Variants in P3H4 observed in about 807,000 individuals in gnomAD.
P3H4 encodes endoplasmic reticulum protein SC65.
Under a neutral mutation model 52.9 loss-of-function variants are expected in P3H4, and 47 were observed. The ratio of observed to expected loss-of-function variants is 0.89; its 90% CI spans 0.70 to 1.13. The LOEUF (loss-of-function observed/expected upper bound fraction) is 1.13. Ranked by LOEUF, P3H4 falls within the 50% of genes most tolerant of loss-of-function variation. The pLI, the probability that P3H4 is intolerant of heterozygous loss-of-function variation, is 0.00. For synonymous variants in P3H4, 256 were observed against 267.9 expected (o/e 0.96, Z 0.44); for missense variants, 585 against 611.0 (o/e 0.96, Z 0.45).
rs555193052 is a variant in P3H4, at chr17:41,809,064, G to A, written c.916+642C>T. Among the ~76,000 whole-genome samples, 8 of 152,226 alleles carry A rather than the reference G, an allele frequency of 5.3e-5. No individual in the cohort carries two copies. In the East Asian group the frequency reaches 5.8e-4, roughly 11 times the overall value. On this transcript the variant is annotated intron_variant, in intron 4 of 7. Transcript: ENST00000393928. Reference sequence around the variant, plus strand: ...CCTCAGTTTCCCCATCTGAAAAATCGGTCCAGTAATGCCAGCTGCATGGTG... The same window carrying A: ...CCTCAGTTTCCCCATCTGAAAAATCAGTCCAGTAATGCCAGCTGCATGGTG...
intron 7 of P3H4, 30 bp from the exon 8 acceptor site, chr17:41,803,009 T>A: frequency 6.2e-7 from 1 of 1,607,740 alleles, no homozygotes. Context: ...GCACTGGGGT[T>A]GCTCCCCCAC....
chr17:41,807,902 C>CG lies in P3H4; in HGVS notation c.1018dup (p.Arg340ProfsTer42), dbSNP rs1261420845. On this transcript the variant is annotated frameshift_variant, in exon 5 of 8. Transcript: ENST00000393928. LOFTEE classifies it high-confidence loss of function. ...CTCCTCTTCCAGGCCCCAGCGAGCC[C>CG]GGTGGAACCGGTAATACACCAGGTT... is the stretch of plus-strand genomic sequence containing the variant. 6.2e-7 allele frequency: 1 copy of CG among 1,614,110 alleles called. No homozygotes were observed.
chr17:41,805,376 G>T (rs2047663950), intron 6 of P3H4, among the ~76,000 whole-genome samples: 1 of 151,708 alleles, frequency 6.6e-6, no homozygotes, highest in Non-Finnish European at 1.5e-5. Context: ...ACCCAGGCTG[G>T]AGTACAGTGG....
At chr17:41,805,353 G>C (rs1597894623) in intron 6 of P3H4, among the ~76,000 whole-genome samples, 2 of 151,378 alleles carry the variant, frequency 1.3e-5, no homozygotes, top group African/African-American at 4.9e-5. Flanking sequence ...TCGAGACAGA[G>C]TCTCAATCTG....
At chr17:41,807,734 G>A (rs376857136) in intron 5 of P3H4, 125 bp downstream of exon 5, 40 of 1,220,400 alleles carry the variant, frequency 3.3e-5, no homozygotes, top group East Asian at 1.7e-4. Flanking sequence ...TCCTGACCTC[G>A]TGATCCACCC....
Position 41,811,562 on chromosome 17 carries a change from G to T in P3H4, c.354C>A (p.Arg118=), listed in dbSNP as rs782771457. ...GGAAGGCGGGCAGCGTCCGCTTGCA[G>T]CGCCGCAGGCAGGCGGCTCGCTCCA... ...RVLERAACLR[R]CKRTLPAFQV... Residue 118 remains arginine (R), a synonymous_variant, in exon 1 of 8, where the codon CGC becomes CGA. Coordinates refer to ENST00000393928, the MANE Select transcript of P3H4 (RefSeq NM_006455.3). This position sits in a 1 kb window ranked among gnomAD's most constrained non-coding sequence, Gnocchi z 4.8. The T allele has an allele frequency of 3.7e-6, 6 of 1,607,044 alleles. No homozygotes were observed. Among genetic ancestry groups the T allele is most frequent in the Non-Finnish European group, 5.1e-6 (6 of 1,177,882 alleles).
In P3H4 at chr17:41,809,244, A is replaced by C. The variant is rs561137879; in HGVS notation, c.916+462T>G. Among the ~76,000 whole-genome samples, 39 of 152,264 alleles carry C rather than the reference A, an allele frequency of 2.6e-4. 1 individual carries two copies. The South Asian group carries it at 4.8e-3, about 19-fold the overall frequency. Reference sequence around the variant, plus strand: ...AAGACCAGCCTGGCCAACATGGTGAAACCCCGTCTCTACTAAAAATACAAA... The same window carrying C: ...AAGACCAGCCTGGCCAACATGGTGACACCCCGTCTCTACTAAAAATACAAA... On this transcript the variant is annotated intron_variant, in intron 4 of 7. Coordinates refer to ENST00000393928, the MANE Select transcript of P3H4 (RefSeq NM_006455.3).
At chr17:41,810,213 G>A (rs1445534011) in intron 3 of P3H4, among the ~76,000 whole-genome samples, 1 of 140,480 alleles carries the variant, frequency 7.1e-6, no homozygotes, top group African/African-American at 2.7e-5. Context: ...TCGCCCTGTC[G>A]ACCAGGCTGG....
At chr17:41,806,300 C>T (rs1555614166) in intron 6 of P3H4, among the ~76,000 whole-genome samples, 1 of 152,318 alleles carries the variant, frequency 6.6e-6, no homozygotes, top group Non-Finnish European at 1.5e-5. Flanking sequence ...TGCATTCATT[C>T]ATTCACTGGT....
chr17:41,811,380 G>C lies in P3H4; in HGVS notation c.462+74C>G. The C allele has an allele frequency of 3.7e-6, 6 of 1,604,974 alleles. No individual in the cohort carries two copies. Among genetic ancestry groups the C allele is most frequent in the Non-Finnish European group, 5.1e-6 (6 of 1,174,058 alleles). ...GCTTCGTGCCTTGGGTGAAGATAAC[G>C]CTCCTTCGACCGATCTGTGGGGAGC... On this transcript the variant is annotated intron_variant, in intron 1 of 7. Coordinates refer to ENST00000393928, the MANE Select transcript of P3H4 (RefSeq NM_006455.3). The surrounding 1 kb of genome is among the most constrained non-coding windows in gnomAD (Gnocchi z 4.8).
chr17:41,803,181 A>G (rs3809876), intron 7 of P3H4, 106 bp downstream of exon 7: 842,573 of 1,500,414 alleles, frequency 0.56, 239,168 homozygotes, highest in Middle Eastern at 0.7. Flanking sequence ...GATGGGCCCC[A>G]GCACCCACAC....
Position 41,811,581 on chromosome 17 carries a change from C to G in P3H4, c.335G>C (p.Arg112Pro), listed in dbSNP as rs782262900. ...ELRLFGRVLE[R>P]AACLRRCKRT... ...CTTGCAGCGCCGCAGGCAGGCGGCT[C>G]GCTCCAGGACGCGGCCGAAGAGCCG... Residue 112 changes from arginine (R) to proline (P), a missense_variant, in exon 1 of 8, where the codon CGA becomes CCA. Physicochemically the swap from Arg to Pro is moderately radical, Grantham distance 103. Transcript: ENST00000393928. The surrounding 1 kb of genome is among the most constrained non-coding windows in gnomAD (Gnocchi z 4.8). 1.3e-6 allele frequency: 2 copies of G among 1,592,296 alleles called. No homozygotes were observed. Among genetic ancestry groups the G allele is most frequent in the Non-Finnish European group, 1.7e-6 (2 of 1,171,906 alleles).
rs2047740723 is a variant in P3H4 at position 41,811,685 on chromosome 17, G to A, written c.231C>T (p.His77=). 2.8e-6 allele frequency: 4 copies of A among 1,446,208 alleles called. No homozygotes were observed. The highest frequency in any genetic ancestry group is 5.9e-5 in the Admixed American group (2 of 33,982). The allele number at this position is 1,446,208 out of a possible 1,614,324, so 89.6% of individuals were successfully genotyped here. The change falls in exon 1 of 8, where the codon CAC becomes CAT. Residue 77 remains histidine, a synonymous_variant. Coordinates refer to ENST00000393928, the MANE Select transcript of P3H4 (RefSeq NM_006455.3). The surrounding 1 kb of genome is among the most constrained non-coding windows in gnomAD (Gnocchi z 4.8). ...CGGGCGCGGGGCCGCTGCAGTTGGC[G>A]TGGCAGAAGGCCTCGCTGTCGCGCA... is the stretch of plus-strand genomic sequence containing the variant. ...RLLRDSEAFC[H]ANCSGPAPAA...
intron 6 of P3H4, among the ~76,000 whole-genome samples, chr17:41,803,698 C>T (rs1005882099): frequency 6.6e-6 from 1 of 152,182 alleles, no homozygotes; most frequent in Non-Finnish European, 1.5e-5. Context: ...GCATAAAGAC[C>T]CTGGCAAGAA....
chr17:41,811,419 C>T lies in P3H4; in HGVS notation c.462+35G>A. 6.2e-7 allele frequency: 1 copy of T among 1,610,484 alleles called. No individual in the cohort carries two copies. The highest frequency in any genetic ancestry group is 2.2e-5 in the East Asian group (1 of 44,832). ...TCTGTGGGGAGCCACGACGCCCAGC[C>T]CGAGACAGGTCCCCGGGTGGGGGCG... On this transcript the variant is annotated intron_variant, in intron 1 of 7. Coordinates refer to ENST00000393928, the MANE Select transcript of P3H4 (RefSeq NM_006455.3). The surrounding 1 kb of genome is among the most constrained non-coding windows in gnomAD (Gnocchi z 4.8).
Position 41,803,138 on chromosome 17 carries a change from C to T in P3H4, c.1291+149G>A. 9 of 1,418,778 alleles carry T rather than the reference C, an allele frequency of 6.3e-6. No individual in the cohort carries two copies. The South Asian group carries it at 9.4e-5, about 15-fold the overall frequency. The allele number at this position is 1,418,778 out of a possible 1,614,324, so 87.9% of individuals were successfully genotyped here. On this transcript the variant is annotated intron_variant, in intron 7 of 7. Coordinates refer to ENST00000393928, the MANE Select transcript of P3H4 (RefSeq NM_006455.3). Reference sequence around the variant, plus strand: ...GCTGCACCACCACCCCCAAGCGGGACAGGGGTTGCCAACAGGCTGGAGGCC... The same window carrying T: ...GCTGCACCACCACCCCCAAGCGGGATAGGGGTTGCCAACAGGCTGGAGGCC...
At position 41,806,829 on chromosome 17, in the gene P3H4, C is replaced by A. The variant is rs2047678968; in HGVS notation, c.1113G>T (p.Glu371Asp). Residue 371 changes from glutamate (E) to aspartate (D), a missense_variant, in exon 6 of 8, where the codon GAG (glutamate) becomes GAT (aspartate). Glu to Asp is a conservative substitution (Grantham distance 45, BLOSUM62 2). Transcript: ENST00000393928. ...CTGACTGCAGGTACATGTGGGTGAA[C>A]TCCAGCAGCTCCCGCAGCTCGGCGG... ...NQTAELRELL[E>D]FTHMYLQSDD... 1 of 1,613,946 alleles carries A rather than the reference C, an allele frequency of 6.2e-7. No homozygotes were observed. Among genetic ancestry groups the A allele is most frequent in the Non-Finnish European group, 8.5e-7 (1 of 1,179,932 alleles).
intron 6 of P3H4, 152 bp downstream of exon 6, chr17:41,806,644 C>A (rs1160935594): frequency 7.7e-6 from 5 of 646,858 alleles, no homozygotes; most frequent in Non-Finnish European, 1.4e-5. Flanking sequence ...GGGGAAGGAA[C>A]GGACAGTCTA....
chr17:41,803,161 G>T, intron 7 of P3H4, 126 bp downstream of exon 7: 1 of 1,453,826 alleles, frequency 6.9e-7, no homozygotes, highest in Admixed American at 2.2e-5. Flanking sequence ...CAGGCTGGAG[G>T]CCCCTGGAGG....
Sources: allele counts gnomAD v4.1 joint callset (sites outside exome capture counted in the v4.1 genomes callset), GRCh38; gene constraint gnomAD v4.1.1; non-coding constraint Gnocchi (gnomAD v3.1); transcripts MANE v1.5; gene names NCBI Gene and HGNC (gene_info 2026-07-23, HGNC 2026-07-21).